Variants in ATRNL1 observed in about 807,000 individuals in gnomAD.
ATRNL1 encodes the protein attractin-like protein 1.
ATRNL1 carries 95 observed loss-of-function variants against 182.7 expected under a neutral mutation model. The observed-to-expected ratio is 0.52, with a 90% CI of 0.44 to 0.62. The LOEUF is 0.62. Ranked by LOEUF, ATRNL1 falls within the 20% of genes least tolerant of loss-of-function variation. The pLI is 0.00. For missense variants in ATRNL1, 1,471 were observed against 1,679.5 expected (o/e 0.88, Z 2.17); for synonymous variants, 576 against 568.3 (o/e 1.01, Z -0.19).
chr10:115,696,081 G>A (rs540931515), intron 26 of ATRNL1, among the ~76,000 whole-genome samples: 1 of 152,196 alleles, frequency 6.6e-6, no homozygotes, highest in African/African-American at 2.4e-5. Flanking sequence ...TGTATTTTTA[G>A]TAGAGACGGG....
chr10:115,547,561 G>A lies in ATRNL1; in HGVS notation c.3717-1897G>A, dbSNP rs536842929. ...GGAAAATAACTGAGCTTTCTCTTTGGGGGCAAGAGAAAAGAAGAGCACAAT... is the reference window on the plus strand; with the variant it reads ...GGAAAATAACTGAGCTTTCTCTTTGAGGGCAAGAGAAAAGAAGAGCACAAT... On this transcript the variant is annotated intron_variant, in intron 25 of 28. Transcript: ENST00000355044. 3.6e-4 allele frequency among the ~76,000 whole-genome samples: 55 copies of A among 152,120 alleles called. 2 individuals are homozygous for A. Among genetic ancestry groups the A allele is most frequent in the Middle Eastern group, 6.8e-3 (2 of 294 alleles).
chr10:115,919,011 A>G (rs1182527896), intron 28 of ATRNL1, among the ~76,000 whole-genome samples: 10 of 152,198 alleles, frequency 6.6e-5, no homozygotes, highest in Non-Finnish European at 1.2e-4. Flanking sequence ...CTAGACATAA[A>G]TAAAACCCAT....
intron 26 of ATRNL1, chr10:115,597,498 A>T (rs1251051733): frequency 5.6e-6 from 2 of 354,728 alleles, no homozygotes; most frequent in Non-Finnish European, 1.1e-5. Flanking sequence ...GTTAATAATG[A>T]TGAAATTTCA....
intron 8 of ATRNL1, among the ~76,000 whole-genome samples, chr10:115,213,105 T>A (rs967534187): frequency 6.6e-6 from 1 of 152,186 alleles, no homozygotes; most frequent in Non-Finnish European, 1.5e-5. Flanking sequence ...TCAGTGTTAG[T>A]ATTACTTGAT....
chr10:115,663,959 CA>C (rs1555038930), intron 26 of ATRNL1, among the ~76,000 whole-genome samples: 1 of 152,132 alleles, frequency 6.6e-6, no homozygotes, highest in East Asian at 1.9e-4. Context: ...TGCTCATTGG[CA>C]AATCCCACTG....
chr10:115,534,510 G>A (rs1554989561), intron 25 of ATRNL1, among the ~76,000 whole-genome samples: 1 of 152,260 alleles, frequency 6.6e-6, no homozygotes, highest in Non-Finnish European at 1.5e-5. Flanking sequence ...CTGCACATGA[G>A]ATGGGTTTCC....
chr10:115,117,529 C>T (rs1844545533), intron 1 of ATRNL1, among the ~76,000 whole-genome samples: 2 of 152,088 alleles, frequency 1.3e-5, no homozygotes, highest in Admixed American at 1.3e-4. Context: ...TTGCAAATGA[C>T]TGAATCACAT....
chr10:115,184,820 C>G (rs11197107), intron 8 of ATRNL1, among the ~76,000 whole-genome samples: 1 of 151,490 alleles, frequency 6.6e-6, no homozygotes, highest in Non-Finnish European at 1.5e-5. Context: ...CATTCTGAAA[C>G]GGGATGAAAA....
At chr10:115,358,211 C>T (rs1856587342) in intron 19 of ATRNL1, among the ~76,000 whole-genome samples, 1 of 151,662 alleles carries the variant, frequency 6.6e-6, no homozygotes, top group Admixed American at 6.6e-5. Flanking sequence ...CATTTACAAT[C>T]CACCTTTATA....
intron 1 of ATRNL1, among the ~76,000 whole-genome samples, chr10:115,102,610 AT>A (rs559455085): frequency 1.4e-4 from 21 of 152,036 alleles, no homozygotes; most frequent in Non-Finnish European, 2.6e-4. Context: ...CACCTGGCTA[AT>A]TTTTGTATTT....
At chr10:115,558,900 C>T (rs1853492146) in intron 26 of ATRNL1, among the ~76,000 whole-genome samples, 1 of 152,126 alleles carries the variant, frequency 6.6e-6, no homozygotes, top group Non-Finnish European at 1.5e-5. Flanking sequence ...TAGCACTTCT[C>T]ATCCCCCCAG....
At chr10:115,406,877 T>A (rs1189790258) in intron 20 of ATRNL1, among the ~76,000 whole-genome samples, 1 of 152,156 alleles carries the variant, frequency 6.6e-6, no homozygotes, top group Non-Finnish European at 1.5e-5. Flanking sequence ...AGTATATCCA[T>A]CTTTTCCCTA....
intron 9 of ATRNL1, among the ~76,000 whole-genome samples, chr10:115,219,981 A>C (rs1849388132): frequency 6.6e-6 from 1 of 152,190 alleles, no homozygotes. Context: ...AATATATTGC[A>C]CAAAAACAAA....
In ATRNL1 at chr10:115,412,115, T is replaced by C. The variant is rs539722869; in HGVS notation, c.3270-14135T>C. ...ATGGTTTTCACTTCTGTGAATATGC[T>C]GTGAAGTCTATGCTTCCTAGAAAAC... On this transcript the variant is annotated intron_variant, in intron 20 of 28. Transcript: ENST00000355044. Among the ~76,000 whole-genome samples, 8 of 152,326 alleles carry C rather than the reference T, an allele frequency of 5.3e-5. 1 individual carries two copies. In the East Asian group the frequency reaches 1.3e-3, roughly 26 times the overall value.
At chr10:115,539,085 T>G (rs577178620) in intron 25 of ATRNL1, among the ~76,000 whole-genome samples, 1 of 152,168 alleles carries the variant, frequency 6.6e-6, no homozygotes, top group Non-Finnish European at 1.5e-5. Flanking sequence ...GGGATGAAAT[T>G]TGTCTAATGA....
At chr10:115,317,127 T>C (rs992469554) in intron 18 of ATRNL1, among the ~76,000 whole-genome samples, 1 of 152,228 alleles carries the variant, frequency 6.6e-6, no homozygotes, top group Non-Finnish European at 1.5e-5. Flanking sequence ...TTCAGTTTTC[T>C]GCATATGGCT....
At chr10:115,219,033 G>A (rs1266075693) in intron 9 of ATRNL1, among the ~76,000 whole-genome samples, 2 of 152,030 alleles carry the variant, frequency 1.3e-5, no homozygotes, top group Admixed American at 6.6e-5. Flanking sequence ...TCAGGAGTTT[G>A]AGACCAGCCT....
intron 19 of ATRNL1, among the ~76,000 whole-genome samples, chr10:115,375,198 T>G (rs1464983416): frequency 6.6e-6 from 1 of 151,904 alleles, no homozygotes; most frequent in East Asian, 1.9e-4. Context: ...TTATATCCAT[T>G]TAATGATTTG....
chr10:115,756,115 C>T (rs1948582815), intron 27 of ATRNL1, among the ~76,000 whole-genome samples: 2 of 152,050 alleles, frequency 1.3e-5, no homozygotes, highest in South Asian at 4.1e-4. Flanking sequence ...TTCAAAAAAC[C>T]AGCTCCTCGA....
Sources: gnomAD v4.1 joint callset for allele counts (sites outside exome capture counted in the v4.1 genomes callset) on GRCh38, gnomAD v4.1.1 for gene constraint, MANE v1.5 for transcripts, NCBI Gene and HGNC (gene_info 2026-07-23, HGNC 2026-07-21) for gene names.